The following OVOL2 variants were observed in gnomAD, a reference collection of about 807,000 sequenced individuals.
The protein encoded by OVOL2 is transcription factor Ovo-like 2.
In OVOL2, 13 loss-of-function variants were observed where a neutral mutation model predicts 18.1. That is an observed-to-expected ratio of 0.72 (90% CI 0.47 to 1.14). OVOL2 has a LOEUF of 1.14. Ranked by LOEUF, OVOL2 falls within the 50% of genes most tolerant of loss-of-function variation. The pLI is 0.00. For missense variants in OVOL2, 335 were observed against 383.0 expected (o/e 0.87, Z 1.05); for synonymous variants, 166 against 162.7 (o/e 1.02, Z -0.16).
intron 3 of OVOL2, among the ~76,000 whole-genome samples, chr20:18,036,734 A>G (rs1191747399): frequency 6.6e-6 from 1 of 152,038 alleles, no homozygotes; most frequent in East Asian, 1.9e-4. Context: ...ACACGCTCAC[A>G]GGCTCCTCTA....
In OVOL2 at chr20:18,041,698, G is replaced by A. The variant is rs544006977; in HGVS notation, c.347C>T (p.Ser116Leu). Residue 116 changes from serine to leucine, a missense_variant, in exon 3 of 4, where the codon TCG becomes TTG. Ser to Leu is a moderately radical substitution (Grantham distance 145, BLOSUM62 -2). Coordinates refer to ENST00000278780, the MANE Select transcript of OVOL2 (RefSeq NM_021220.4). ...IKFTTGTCSD[S>L]VVHSCDLCGK... The stretch of plus-strand genomic sequence containing the variant: ...ACACAGGTCACAGCTGTGAACCACC[G>A]AGTCGCTGCACGTGCCTGTGGTGAA... The A allele has an allele frequency of 3.5e-5, 57 of 1,613,562 alleles. No individual in the cohort carries two copies. In the East Asian group the frequency reaches 1.2e-3, roughly 33 times the overall value.
Position 18,056,867 on chromosome 20 carries a change from G to T in OVOL2, c.111C>A (p.Gly37=). 6.7e-7 allele frequency: 1 copy of T among 1,486,984 alleles called. No individual in the cohort carries two copies. The highest frequency in any genetic ancestry group is 8.9e-7 in the Non-Finnish European group (1 of 1,126,860). 92.1% of individuals were successfully genotyped at this position (1,486,984 alleles called of 1,614,324 possible). Residue 37 remains glycine, a synonymous_variant, in exon 2 of 4, where the codon GGC becomes GGA. Coordinates refer to ENST00000278780, the MANE Select transcript of OVOL2 (RefSeq NM_021220.4). This position sits in a 1 kb window ranked among gnomAD's most constrained non-coding sequence, Gnocchi z 4.2. ...CCTCGGGGGGGTCGTGGAGCAGGCGGCCTAGGCCCACTGTGGAGGGAGGGG... is the reference window on the plus strand; with the variant it reads ...CCTCGGGGGGGTCGTGGAGCAGGCGTCCTAGGCCCACTGTGGAGGGAGGGG... ...RADTYIPVGL[G]RLLHDPPEDC...
At chr20:18,048,142 C>G (rs1254193572) in intron 2 of OVOL2, among the ~76,000 whole-genome samples, 1 of 151,514 alleles carries the variant, frequency 6.6e-6, no homozygotes, top group East Asian at 2.0e-4. Context: ...CAAAAATTAG[C>G]CAGTTGTGGT....
At chr20:18,030,722 G>T (rs149710884) in intron 3 of OVOL2, among the ~76,000 whole-genome samples, 1 of 152,164 alleles carries the variant, frequency 6.6e-6, no homozygotes, top group Admixed American at 6.5e-5. Context: ...GGAGTGACTC[G>T]CAGACAGAGA....
chr20:18,024,623 C>G lies in OVOL2; in HGVS notation c.*13G>C, dbSNP rs2036492108. 6.4e-7 allele frequency: 1 copy of G among 1,569,978 alleles called. No individual in the cohort carries two copies. Among genetic ancestry groups the G allele is most frequent in the East Asian group, 2.3e-5 (1 of 43,666 alleles). ...CGTGGCAGTGTGAACGTCTGTCCTC[C>G]CCTTCCTTCTCCTCACTTCCTCTCC... On this transcript the variant is annotated 3_prime_UTR_variant, in exon 4 of 4. Coordinates refer to ENST00000278780, the MANE Select transcript of OVOL2 (RefSeq NM_021220.4).
chr20:18,054,763 T>A (rs1299596396), intron 2 of OVOL2, among the ~76,000 whole-genome samples: 1 of 79,574 alleles, frequency 1.3e-5, no homozygotes, highest in East Asian at 3.3e-4. Flanking sequence ...CGAAACTCCA[T>A]CTCAAAAAAA....
chr20:18,034,618 T>TC, intron 3 of OVOL2, among the ~76,000 whole-genome samples: 1 of 130,764 alleles, frequency 7.6e-6, no homozygotes, highest in Admixed American at 7.5e-5. Flanking sequence ...AACACTCCCT[T>TC]CCCCTCTTTC....
Position 18,024,497 on chromosome 20 carries a change from T to C in OVOL2, c.*139A>G. On this transcript the variant is annotated 3_prime_UTR_variant, in exon 4 of 4. Coordinates refer to ENST00000278780, the MANE Select transcript of OVOL2 (RefSeq NM_021220.4). Reference sequence around the variant, plus strand: ...CTGACAATCTTGGAATGGACCCTACTGCTGATGTTTCAAAAGGACACAGAG... The same window carrying C: ...CTGACAATCTTGGAATGGACCCTACCGCTGATGTTTCAAAAGGACACAGAG... The C allele has an allele frequency of 7.0e-7, 1 of 1,432,124 alleles. No homozygotes were observed. The highest frequency in any genetic ancestry group is 1.5e-5 in the South Asian group (1 of 65,906). The allele number at this position is 1,432,124 out of a possible 1,614,324, so 88.7% of individuals were successfully genotyped here.
At chr20:18,046,011 C>A (rs767990634) in intron 2 of OVOL2, among the ~76,000 whole-genome samples, 2 of 152,126 alleles carry the variant, frequency 1.3e-5, no homozygotes, top group Non-Finnish European at 2.9e-5. Context: ...GGCACACCCT[C>A]CAATCCATTA....
intron 3 of OVOL2, among the ~76,000 whole-genome samples, chr20:18,032,655 A>C (rs1048677583): frequency 2.0e-5 from 3 of 151,830 alleles, no homozygotes; most frequent in Non-Finnish European, 2.9e-5. Flanking sequence ...TACAGGCGCC[A>C]GCCACCATGC....
chr20:18,058,404 AC>A (rs11326055), upstream of OVOL2, among the ~76,000 whole-genome samples: 8,681 of 128,820 alleles, frequency 0.067, 353 homozygotes, highest in African/African-American at 0.1. Context: ...CAGCTACAAC[AC>A]CCCCCCCCCA....
Position 18,057,684 on chromosome 20 carries a change from G to A in OVOL2, c.-50C>T. ...GGCCCCCTCCTCCCGGCTGCTCCCC[G>A]CTAGGGGCAACGGCGGCGGCTCCGT... is the stretch of plus-strand genomic sequence containing the variant. On this transcript the variant is annotated 5_prime_UTR_variant, in exon 1 of 4. Transcript: ENST00000278780. The surrounding 1 kb of genome is among the most constrained non-coding windows in gnomAD (Gnocchi z 6.3). 6.6e-7 allele frequency: 1 copy of A among 1,514,720 alleles called. No individual in the cohort carries two copies. The highest frequency in any genetic ancestry group is 2.6e-5 in the East Asian group (1 of 38,860). The allele number at this position is 1,514,720 out of a possible 1,614,324, so 93.8% of individuals were successfully genotyped here.
At position 18,041,674 on chromosome 20, in the gene OVOL2, C is replaced by T; in HGVS notation, c.371G>A (p.Cys124Tyr). The change falls in exon 3 of 4, where the codon TGT becomes TAT. Residue 124 changes from cysteine (C) to tyrosine (Y), a missense_variant. Coordinates refer to ENST00000278780, the MANE Select transcript of OVOL2 (RefSeq NM_021220.4). Reference protein sequence around the residue: ...SDSVVHSCDLCGKGFRLQRML... With the variant: ...SDSVVHSCDLYGKGFRLQRML... ...GCGCTGCAGACGGAAGCCCTTGCCACACAGGTCACAGCTGTGAACCACCGA... is the reference window on the plus strand; with the variant it reads ...GCGCTGCAGACGGAAGCCCTTGCCATACAGGTCACAGCTGTGAACCACCGA... 1 of 1,614,012 alleles carries T rather than the reference C, an allele frequency of 6.2e-7. No homozygotes were observed. Among genetic ancestry groups the T allele is most frequent in the Non-Finnish European group, 8.5e-7 (1 of 1,179,998 alleles).
intron 2 of OVOL2, among the ~76,000 whole-genome samples, chr20:18,045,948 A>T (rs2036721186): frequency 6.6e-6 from 1 of 152,210 alleles, no homozygotes; most frequent in South Asian, 2.1e-4. Flanking sequence ...CCCATTTCAC[A>T]GCATGGAAAG....
intron 3 of OVOL2, among the ~76,000 whole-genome samples, chr20:18,035,524 T>A (rs190624987): frequency 6.6e-6 from 1 of 152,352 alleles, no homozygotes; most frequent in East Asian, 1.9e-4. Flanking sequence ...TAAGGTCTTT[T>A]GGAGCTGGTG....
At chr20:18,043,267 T>C (rs1432190378) in intron 2 of OVOL2, among the ~76,000 whole-genome samples, 1 of 152,180 alleles carries the variant, frequency 6.6e-6, no homozygotes, top group Non-Finnish European at 1.5e-5. Flanking sequence ...CCTGCTCCAT[T>C]TATCAAGAGA....
chr20:18,028,326 G>A (rs1351443574), intron 3 of OVOL2, among the ~76,000 whole-genome samples: 3 of 151,694 alleles, frequency 2.0e-5, no homozygotes, highest in South Asian at 2.1e-4. Context: ...ACAGGTGCCC[G>A]CCACAACAGC....
At chr20:18,027,957 A>G (rs557403634) in intron 3 of OVOL2, among the ~76,000 whole-genome samples, 39 of 152,176 alleles carry the variant, frequency 2.6e-4, no homozygotes, top group African/African-American at 8.9e-4. Context: ...ACGTCACAAA[A>G]GCATGGAAGT....
At chr20:18,028,558 C>T (rs957080622) in intron 3 of OVOL2, among the ~76,000 whole-genome samples, 7 of 148,788 alleles carry the variant, frequency 4.7e-5, no homozygotes, top group South Asian at 2.3e-4. Flanking sequence ...TTTGGGAGGC[C>T]GGGCTGGGTG....
Sources: allele counts gnomAD v4.1 joint callset (sites outside exome capture counted in the v4.1 genomes callset), GRCh38; gene constraint gnomAD v4.1.1; non-coding constraint Gnocchi (gnomAD v3.1); transcripts MANE v1.5; gene names NCBI Gene and HGNC (gene_info 2026-07-23, HGNC 2026-07-21).